Variants in CDH18 observed in about 807,000 individuals in gnomAD.
CDH18 encodes the protein cadherin 18, also known as cadherin-18.
CDH18 carries 31 observed loss-of-function variants against 67.9 expected under a neutral mutation model. The observed-to-expected ratio is 0.46, with a 90% CI of 0.34 to 0.62. The LOEUF (loss-of-function observed/expected upper bound fraction) is 0.62, where lower values mean the gene tolerates loss of function less well. Among genes scored for constraint, CDH18 ranks in the 20% least tolerant of loss-of-function variants. The probability of loss-of-function intolerance (pLI) is 0.01; values close to 1 mark genes in which losing one functional copy is unlikely to be tolerated. For synonymous variants in CDH18, 362 were observed against 347.2 expected (o/e 1.04, Z -0.48); for missense variants, 890 against 975.5 (o/e 0.91, Z 1.17).
chr5:20,119,523 A>G (rs1049897212), intron 2 of CDH18, among the ~76,000 whole-genome samples: 3 of 152,220 alleles, frequency 2.0e-5, no homozygotes, highest in African/African-American at 4.8e-5. Context: ...ATAAATTAAT[A>G]AAAGAGTAGA....
intron 2 of CDH18, chr5:19,848,343 C>T (rs1015131939): frequency 6.6e-6 from 1 of 152,124 alleles, no homozygotes; most frequent in Non-Finnish European, 1.5e-5. Context: ...CTACAGACCA[C>T]ATGATGCTTT....
At chr5:20,384,130 A>T (rs1283488006) in intron 1 of CDH18, among the ~76,000 whole-genome samples, 2 of 152,110 alleles carry the variant, frequency 1.3e-5, no homozygotes, top group East Asian at 1.9e-4. Flanking sequence ...TTAACATGAG[A>T]TCTACCTACT....
At chr5:20,449,443 A>T (rs1027251130) in intron 1 of CDH18, among the ~76,000 whole-genome samples, 8 of 152,120 alleles carry the variant, frequency 5.3e-5, no homozygotes, top group Non-Finnish European at 8.8e-5. Context: ...CATATAAATG[A>T]TGTATAAATT....
intron 10 of CDH18, 140 bp downstream of exon 10, chr5:19,520,517 A>G: frequency 2.9e-6 from 2 of 699,500 alleles, no homozygotes; most frequent in Non-Finnish European, 4.2e-6. Context: ...TTTGGTACTT[A>G]AAATAAAGCT....
intron 1 of CDH18, among the ~76,000 whole-genome samples, chr5:20,344,304 C>T (rs1740524195): frequency 6.6e-6 from 1 of 152,128 alleles, no homozygotes; most frequent in Non-Finnish European, 1.5e-5. Context: ...CCTCAACAGA[C>T]AGCTTCTCTC....
chr5:20,498,657 T>A (rs1754056136), intron 1 of CDH18, among the ~76,000 whole-genome samples: 1 of 152,106 alleles, frequency 6.6e-6, no homozygotes, highest in African/African-American at 2.4e-5. Flanking sequence ...ATATTTCACT[T>A]TAATTTCTCA....
intron 1 of CDH18, among the ~76,000 whole-genome samples, chr5:20,474,776 G>A (rs1752323432): frequency 6.6e-6 from 1 of 152,194 alleles, no homozygotes; most frequent in Non-Finnish European, 1.5e-5. Flanking sequence ...GCTGCTGCAA[G>A]ATATCCTTTT....
intron 3 of CDH18, among the ~76,000 whole-genome samples, chr5:19,747,963 A>T (rs988140365): frequency 1.8e-4 from 27 of 150,642 alleles, no homozygotes; most frequent in African/African-American, 5.8e-4. Context: ...ACAAAAAAAA[A>T]CTAGCCGGGC....
intron 2 of CDH18, among the ~76,000 whole-genome samples, chr5:19,909,171 A>G (rs1790850202): frequency 6.6e-6 from 1 of 152,166 alleles, no homozygotes; most frequent in Non-Finnish European, 1.5e-5. Flanking sequence ...TTCCTGGTGA[A>G]CTGAAATCCC....
intron 2 of CDH18, among the ~76,000 whole-genome samples, chr5:19,948,420 A>C (rs948069670): frequency 6.6e-6 from 1 of 152,196 alleles, no homozygotes; most frequent in Admixed American, 6.5e-5. Flanking sequence ...AATAAAAAGA[A>C]ATGATATGTT....
At chr5:19,983,115 T>C (rs944215628) in intron 1 of CDH18, among the ~76,000 whole-genome samples, 2 of 151,870 alleles carry the variant, frequency 1.3e-5, no homozygotes, top group African/African-American at 4.8e-5. Context: ...ATATGTATAA[T>C]TTGATGGATT....
At chr5:20,349,193 C>G (rs1402794664) in intron 1 of CDH18, among the ~76,000 whole-genome samples, 1 of 152,026 alleles carries the variant, frequency 6.6e-6, no homozygotes, top group East Asian at 1.9e-4. Context: ...TTCTAAAGGC[C>G]ATTTTAGATT....
At chr5:20,455,829 G>T (rs1750800640) in intron 1 of CDH18, among the ~76,000 whole-genome samples, 1 of 151,924 alleles carries the variant, frequency 6.6e-6, no homozygotes, top group Admixed American at 6.6e-5. Context: ...GTTCTACACA[G>T]ATTTATTCCT....
At chr5:19,971,254 C>A (rs2150336395) in intron 2 of CDH18, among the ~76,000 whole-genome samples, 1 of 151,988 alleles carries the variant, frequency 6.6e-6, no homozygotes, top group South Asian at 2.1e-4. Flanking sequence ...ATAAAAATAA[C>A]ATTTTCCAGT....
intron 2 of CDH18, among the ~76,000 whole-genome samples, chr5:20,014,417 C>A (rs920215073): frequency 6.6e-6 from 1 of 152,018 alleles, no homozygotes; most frequent in Non-Finnish European, 1.5e-5. Flanking sequence ...ATGGGAAAGT[C>A]TTCCTAGAAA....
At chr5:19,844,133 A>T (rs557269701) in intron 2 of CDH18, among the ~76,000 whole-genome samples, 218 of 152,298 alleles carry the variant, frequency 1.4e-3, no homozygotes, top group African/African-American at 5.1e-3. Context: ...AAGATTTTTC[A>T]GGGACTGTAG....
At chr5:20,445,981 G>A (rs1244053777) in intron 1 of CDH18, among the ~76,000 whole-genome samples, 7 of 152,066 alleles carry the variant, frequency 4.6e-5, no homozygotes, top group African/African-American at 1.4e-4. Flanking sequence ...TGAGGTTTGG[G>A]CTGTGTCTGA....
intron 2 of CDH18, among the ~76,000 whole-genome samples, chr5:19,917,659 G>A (rs1791978261): frequency 6.6e-6 from 1 of 152,076 alleles, no homozygotes; most frequent in South Asian, 2.1e-4. Flanking sequence ...AGAGCTAATG[G>A]ATGCAGATGC....
chr5:19,941,799 A>G (rs1370548432), intron 2 of CDH18, among the ~76,000 whole-genome samples: 8 of 152,056 alleles, frequency 5.3e-5, no homozygotes, highest in Non-Finnish European at 1.0e-4. Context: ...AAAAAAAACA[A>G]AAAACAAAAA....
Sources: allele counts gnomAD v4.1 joint callset (sites outside exome capture counted in the v4.1 genomes callset), GRCh38; gene constraint gnomAD v4.1.1; transcripts MANE v1.5; gene names NCBI Gene and HGNC (gene_info 2026-07-23, HGNC 2026-07-21).